Variants in ZNF93 observed in about 807,000 individuals in gnomAD.
ZNF93 encodes the protein zinc finger protein 505.
A neutral mutation model predicts 45.0 loss-of-function variants in ZNF93; 29 were observed. That is an observed-to-expected ratio of 0.64 (90% confidence interval 0.48 to 0.88). The LOEUF is 0.88. Among genes scored for constraint, ZNF93 ranks in the 40% least tolerant of loss-of-function variants. ZNF93 has a pLI of 0.00. For missense variants in ZNF93, 578 were observed against 724.0 expected (o/e 0.80, Z 2.31); for synonymous variants, 223 against 244.6 (o/e 0.91, Z 0.82).
At chr19:19,914,945 A>G in intron 1 of ZNF93, 1 of 336,358 alleles carries the variant, frequency 3.0e-6, no homozygotes, top group East Asian at 8.9e-5. Flanking sequence ...TTCTAACTCA[A>G]CATGTCTTTT....
At chr19:19,912,703 T>C (rs113589374) in intron 1 of ZNF93, among the ~76,000 whole-genome samples, 25 of 152,284 alleles carry the variant, frequency 1.6e-4, no homozygotes, top group Non-Finnish European at 2.9e-4. Context: ...CTATACAATT[T>C]TTTAAAAAAT....
At chr19:19,932,594 T>C (rs1262511373) in intron 3 of ZNF93, 1 of 152,246 alleles carries the variant, frequency 6.6e-6, no homozygotes, top group African/African-American at 2.4e-5. Flanking sequence ...TGACACAAAT[T>C]TCGATTACTT....
chr19:19,919,762 A>G (rs1408506259), intron 3 of ZNF93, among the ~76,000 whole-genome samples: 1 of 152,088 alleles, frequency 6.6e-6, no homozygotes, highest in African/African-American at 2.4e-5. Flanking sequence ...TTTGTCTGTT[A>G]TTGGTGTATA....
chr19:19,927,346 A>T (rs1291618435), intron 3 of ZNF93: 1 of 396,834 alleles, frequency 2.5e-6, no homozygotes, highest in African/African-American at 2.1e-5. Flanking sequence ...TGACAGAGTG[A>T]GACCCTATCT....
chr19:19,915,340 G>A lies in ZNF93; in HGVS notation c.64G>A (p.Asp22Asn), dbSNP rs752522120. ...CTCTCTGGAGGAGTGGCATTGCCTG[G>A]ACACTGCACAGCGGAATCTATATAG... ...EFSLEEWHCL[D>N]TAQRNLYRNV... Residue 22 changes from aspartate (D) to asparagine (N), a missense_variant, in exon 2 of 4, where the codon GAC becomes AAC. By Grantham distance (23) the Asp-to-Asn change is conservative (BLOSUM62 1). This residue lies in a region of ZNF93 where 446 missense variants were observed against 547.6 expected (regional missense o/e 0.81). Transcript: ENST00000343769. 1.9e-6 allele frequency: 3 copies of A among 1,614,096 alleles called. 1 individual carries two copies. The South Asian group carries it at 3.3e-5, about 18-fold the overall frequency.
Position 19,933,208 on chromosome 19 carries a change from C to G in ZNF93, c.253C>G (p.Leu85Val). Residue 85 changes from leucine (L) to valine (V), a missense_variant, in exon 4 of 4, where the codon CTT (leucine) becomes GTT (valine). Leu to Val is a conservative substitution (Grantham distance 32). Transcript: ENST00000343769. ...SVICSHFAQD[L>V]WPEQNIKDSF... ...TATATGTTCTCATTTTGCCCAAGAT[C>G]TTTGGCCAGAGCAGAACATAAAAGA... 3.9e-6 allele frequency: 6 copies of G among 1,550,302 alleles called. No homozygotes were observed. The highest frequency in any genetic ancestry group is 5.2e-6 in the Non-Finnish European group (6 of 1,148,830).
chr19:19,911,443 C>T (rs2063307725), intron 1 of ZNF93, among the ~76,000 whole-genome samples: 1 of 151,924 alleles, frequency 6.6e-6, no homozygotes. Context: ...GTTGGTACCC[C>T]GATGACAGCT....
intron 3 of ZNF93, among the ~76,000 whole-genome samples, chr19:19,923,910 C>G (rs2063348862): frequency 6.6e-6 from 1 of 152,186 alleles, no homozygotes; most frequent in African/African-American, 2.4e-5. Flanking sequence ...ACTTGGTGTG[C>G]TGCACCCATT....
At chr19:19,917,860 T>A (rs2063329053) in intron 3 of ZNF93, among the ~76,000 whole-genome samples, 1 of 152,196 alleles carries the variant, frequency 6.6e-6, no homozygotes, top group Non-Finnish European at 1.5e-5. Context: ...AATATGAGAT[T>A]GTATGATCTA....
chr19:19,934,827 A>T lies in ZNF93; in HGVS notation c.*9A>T. ...CTGGGGAGAAACCCTAGAAGTGTGA[A>T]GAATGTGGCAAAGCCTTCAAGTGGT... On this transcript the variant is annotated 3_prime_UTR_variant, in exon 4 of 4. Transcript: ENST00000343769. 6.3e-7 allele frequency: 1 copy of T among 1,588,318 alleles called. No individual in the cohort carries two copies. The highest frequency in any genetic ancestry group is 8.6e-7 in the Non-Finnish European group (1 of 1,169,048).
chr19:19,908,524 G>A (rs1279696788), intron 1 of ZNF93: 1 of 151,986 alleles, frequency 6.6e-6, no homozygotes, highest in Non-Finnish European at 1.5e-5. Context: ...TTTTTCTTGA[G>A]ATCTTTTTAC....
chr19:19,914,426 A>G (rs551848884), intron 1 of ZNF93, among the ~76,000 whole-genome samples: 2 of 152,330 alleles, frequency 1.3e-5, no homozygotes, highest in South Asian at 2.1e-4. Context: ...ATGTTTCTTT[A>G]TGGTTAAATT....
At chr19:19,923,382 G>A (rs1357044935) in intron 3 of ZNF93, among the ~76,000 whole-genome samples, 3 of 152,190 alleles carry the variant, frequency 2.0e-5, no homozygotes, top group Admixed American at 1.3e-4. Context: ...CTACTCAGGG[G>A]TCAGGGACCC....
chr19:19,932,998 C>T (rs2063379294), intron 3 of ZNF93, 184 bp from the exon 4 acceptor site: 1 of 427,912 alleles, frequency 2.3e-6, no homozygotes, highest in Non-Finnish European at 3.9e-6. Context: ...TTACCAGTTA[C>T]ATTTGTGCCA....
intron 3 of ZNF93, among the ~76,000 whole-genome samples, chr19:19,923,804 G>A (rs1382366612): frequency 1.3e-5 from 2 of 152,168 alleles, no homozygotes; most frequent in African/African-American, 4.8e-5. Flanking sequence ...AATTTTCCAG[G>A]TGCTGTCTGT....
intron 1 of ZNF93, among the ~76,000 whole-genome samples, chr19:19,910,469 A>G (rs1411226633): frequency 1.3e-5 from 2 of 152,156 alleles, no homozygotes; most frequent in African/African-American, 4.8e-5. Context: ...ATAAATAAAA[A>G]TTTCTGACAA....
At chr19:19,920,791 T>C (rs1207658318) in intron 3 of ZNF93, among the ~76,000 whole-genome samples, 1 of 152,188 alleles carries the variant, frequency 6.6e-6, no homozygotes, top group Non-Finnish European at 1.5e-5. Flanking sequence ...GGTGGTGATA[T>C]CCCCTTTATC....
At chr19:19,921,777 TTTG>T (rs1421290661) in intron 3 of ZNF93, among the ~76,000 whole-genome samples, 1 of 152,022 alleles carries the variant, frequency 6.6e-6, no homozygotes, top group African/African-American at 2.4e-5. Context: ...CCTGCCTTTT[TTTG>T]TTTTCCATTT....
Position 19,934,787 on chromosome 19 carries a change from A to G in ZNF93, c.1832A>G (p.His611Arg). ...AFISPSSLSR[H>R]EIIHTGEKP ...ATTTCACCCTCAAGCCTTAGTAGAC[A>G]TGAGATAATTCATACTGGGGAGAAA... Residue 611 changes from histidine to arginine, a missense_variant, in exon 4 of 4, where the codon CAT becomes CGT. Physicochemically the swap from His to Arg is conservative, Grantham distance 29 (BLOSUM62 0). This residue lies in a region of ZNF93 where 119 missense variants were observed against 123.1 expected (regional missense o/e 0.97). Transcript: ENST00000343769. The G allele has an allele frequency of 6.2e-7, 1 of 1,600,526 alleles. No individual in the cohort carries two copies.
Sources: allele counts gnomAD v4.1 joint callset (sites outside exome capture counted in the v4.1 genomes callset), GRCh38; gene constraint gnomAD v4.1.1; regional missense constraint gnomAD v4.1.1; transcripts MANE v1.5; gene names NCBI Gene and HGNC (gene_info 2026-07-23, HGNC 2026-07-21).